The following DTHD1 variants were observed in gnomAD, a reference collection of about 807,000 sequenced individuals.
The protein encoded by DTHD1 is death domain-containing protein 1.
Under a neutral mutation model 74.8 loss-of-function variants are expected in DTHD1, and 59 were observed. The observed-to-expected ratio is 0.79, with a 90% CI of 0.64 to 0.98. The LOEUF (loss-of-function observed/expected upper bound fraction) is 0.98. DTHD1 is among the 50% of genes least tolerant of loss of function. The probability of loss-of-function intolerance (pLI) is 0.00; values close to 1 mark genes in which losing one functional copy is unlikely to be tolerated. For synonymous variants in DTHD1, 365 were observed against 371.1 expected, an observed-to-expected ratio of 0.98 and a Z score of 0.19; for missense variants, 1,051 against 1,065.4, an observed-to-expected ratio of 0.99 and a Z score of 0.19.
intron 8 of DTHD1, among the ~76,000 whole-genome samples, chr4:36,330,351 T>G (rs966529078): frequency 1.6e-4 from 25 of 152,208 alleles, no homozygotes; most frequent in African/African-American, 5.5e-4. Context: ...AAACAGGATC[T>G]GGATTCTTAC....
At position 36,293,681 on chromosome 4, in the gene DTHD1, C is replaced by T; in HGVS notation, c.1374C>T (p.Thr458=). ...TAAATTACCCTCCAGGAGTTTTTACCTCTCCAGTGCTGGTGCAGTTAAAGG... is the reference window on the plus strand; with the variant it reads ...TAAATTACCCTCCAGGAGTTTTTACTTCTCCAGTGCTGGTGCAGTTAAAGG... ...ISLNYPPGVF[T]SPVLVQLKIQ... Residue 458 remains threonine, a synonymous_variant, in exon 4 of 10, where the codon ACC becomes ACT. Transcript: ENST00000639862. 3 of 1,530,224 alleles carry T rather than the reference C, an allele frequency of 2.0e-6. No homozygotes were observed. The highest frequency in any genetic ancestry group is 2.6e-6 in the Non-Finnish European group (3 of 1,133,426). 94.8% of individuals were successfully genotyped at this position (1,530,224 alleles called of 1,614,324 possible). A position where few individuals can be genotyped will look rare whatever the true frequency, so the allele number is the denominator to read the frequency against.
chr4:36,343,790 A>C lies in DTHD1; in HGVS notation c.2687A>C (p.Glu896Ala), dbSNP rs1759458434. Residue 896 changes from glutamate (E) to alanine (A), a missense_variant, in exon 10 of 10, where the codon GAA (glutamate) becomes GCA (alanine). By Grantham distance (107) the Glu-to-Ala change is moderately radical. Coordinates refer to ENST00000639862, the MANE Select transcript of DTHD1 (RefSeq NM_001170700.3). The stretch of plus-strand genomic sequence containing the variant: ...AAGTGGGAAAATAAAGTGTTCACTG[A>C]ACCACAGCAGTGTTTTGATGTAGCC... ...KFKWENKVFT[E>A]PQQCFDVAPE 15 of 1,550,860 alleles carry C rather than the reference A, an allele frequency of 9.7e-6. No homozygotes were observed. The highest frequency in any genetic ancestry group is 1.3e-5 in the Non-Finnish European group (15 of 1,146,686).
intron 7 of DTHD1, 58 bp downstream of exon 7, chr4:36,308,551 G>A: frequency 7.2e-7 from 1 of 1,395,488 alleles, no homozygotes; most frequent in Non-Finnish European, 9.5e-7. Flanking sequence ...AAGCTCTTCA[G>A]AAGAGTTTGC....
At chr4:36,343,445 C>G in intron 9 of DTHD1, 57 bp from the exon 10 acceptor site, 1 of 1,474,222 alleles carries the variant, frequency 6.8e-7, no homozygotes, top group Non-Finnish European at 9.1e-7. Context: ...GAGGGTTAGA[C>G]CCATGCATCC....
chr4:36,310,746 C>T (rs570191688), intron 7 of DTHD1, among the ~76,000 whole-genome samples: 3 of 152,116 alleles, frequency 2.0e-5, no homozygotes, highest in Admixed American at 2.0e-4. Flanking sequence ...ATAAGTGAGA[C>T]CTAAAGTGTC....
At position 36,345,074 on chromosome 4, in the gene DTHD1, A is replaced by G. The variant is rs1257937576; in HGVS notation, c.*1250A>G. 2 of 152,210 alleles carry G rather than the reference A, an allele frequency of 1.3e-5. No individual in the cohort carries two copies. The highest frequency in any genetic ancestry group is 2.4e-5 in the African/African-American group (1 of 41,464). The allele number at this position is 152,210 out of a possible 1,614,324, so 9.4% of individuals were successfully genotyped here. A position where few individuals can be genotyped will look rare whatever the true frequency, so the allele number is the denominator to read the frequency against. On this transcript the variant is annotated 3_prime_UTR_variant, in exon 10 of 10. Coordinates refer to ENST00000639862, the MANE Select transcript of DTHD1 (RefSeq NM_001170700.3). ...AGCGAAATGAGGCAGTGCAGAGAAAATAAGTTATCAGTGAAAGAATTCAAG... is the reference window on the plus strand; with the variant it reads ...AGCGAAATGAGGCAGTGCAGAGAAAGTAAGTTATCAGTGAAAGAATTCAAG...
intron 8 of DTHD1, among the ~76,000 whole-genome samples, chr4:36,326,491 T>C (rs1424867921): frequency 6.6e-6 from 1 of 151,524 alleles, no homozygotes; most frequent in Non-Finnish European, 1.5e-5. Context: ...CAAGGGGAAA[T>C]GGCAAAACTA....
intron 7 of DTHD1, among the ~76,000 whole-genome samples, chr4:36,314,754 T>C (rs1045825245): frequency 7.5e-6 from 1 of 133,616 alleles, no homozygotes; most frequent in Non-Finnish European, 1.7e-5. Flanking sequence ...TGAGTTTTTT[T>C]TTTTTTTTTT....
intron 5 of DTHD1, among the ~76,000 whole-genome samples, chr4:36,303,772 C>T (rs1202547725): frequency 6.6e-6 from 1 of 152,160 alleles, no homozygotes; most frequent in Non-Finnish European, 1.5e-5. Context: ...ATCCCAAGGG[C>T]TTAAATGACA....
rs761928746 is a variant in DTHD1 at position 36,316,287 on chromosome 4, T to C, written c.2141T>C (p.Leu714Ser). 14 of 1,551,670 alleles carry C rather than the reference T, an allele frequency of 9.0e-6. No individual in the cohort carries two copies. The South Asian group carries it at 1.7e-4, about 18-fold the overall frequency. Residue 714 changes from leucine (L) to serine (S), a missense_variant, in exon 8 of 10, where the codon TTG becomes TCG. Leu to Ser is a moderately radical substitution (Grantham distance 145, BLOSUM62 -2). Coordinates refer to ENST00000639862, the MANE Select transcript of DTHD1 (RefSeq NM_001170700.3). ...YGKDYTLIFH[L>S]QRKPRLELQI... The stretch of plus-strand genomic sequence containing the variant: ...AAAGACTACACACTTATTTTTCACT[T>C]GCAAAGAAAACCTAGGCTGGAACTC...
chr4:36,334,934 G>A (rs1313576021), intron 8 of DTHD1, among the ~76,000 whole-genome samples: 1 of 152,166 alleles, frequency 6.6e-6, no homozygotes, highest in African/African-American at 2.4e-5. Context: ...GGTATGATGT[G>A]CTTAACATGT....
At chr4:36,286,640 T>A (rs950690777) in intron 2 of DTHD1, among the ~76,000 whole-genome samples, 1 of 152,192 alleles carries the variant, frequency 6.6e-6, no homozygotes, top group African/African-American at 2.4e-5. Context: ...AAATGGATGG[T>A]TGGGTGATTT....
chr4:36,313,308 G>A (rs1256008480), intron 7 of DTHD1, among the ~76,000 whole-genome samples: 1 of 150,508 alleles, frequency 6.6e-6, no homozygotes, highest in African/African-American at 2.4e-5. Context: ...AAGATATTGA[G>A]AAAAAGAAAA....
intron 8 of DTHD1, among the ~76,000 whole-genome samples, chr4:36,338,802 C>T (rs181166711): frequency 5.5e-4 from 83 of 152,108 alleles, no homozygotes; most frequent in South Asian, 3.5e-3. Flanking sequence ...GCTTGCTCTA[C>T]GCTAGTTGGT....
At chr4:36,332,984 G>C (rs1560818000) in intron 8 of DTHD1, among the ~76,000 whole-genome samples, 1 of 152,060 alleles carries the variant, frequency 6.6e-6, no homozygotes. Flanking sequence ...AGGTGTTTCT[G>C]GGGTAAGAAA....
At chr4:36,328,634 G>C (rs758965166) in intron 8 of DTHD1, among the ~76,000 whole-genome samples, 2 of 152,122 alleles carry the variant, frequency 1.3e-5, no homozygotes, top group Non-Finnish European at 2.9e-5. Context: ...TTGTGGGTTT[G>C]TTTTGTTGGA....
intron 7 of DTHD1, among the ~76,000 whole-genome samples, chr4:36,312,178 A>C (rs1339380951): frequency 1.3e-5 from 2 of 151,818 alleles, no homozygotes; most frequent in Admixed American, 1.3e-4. Flanking sequence ...AAATCCAGAA[A>C]GTGCCAGGAA....
At chr4:36,298,610 G>T (rs920210610) in intron 5 of DTHD1, among the ~76,000 whole-genome samples, 1 of 152,058 alleles carries the variant, frequency 6.6e-6, no homozygotes, top group Non-Finnish European at 1.5e-5. Context: ...CCCATGTAAT[G>T]AAAAAGATAA....
At position 36,291,398 on chromosome 4, in the gene DTHD1, G is replaced by A. The variant is rs1205717234; in HGVS notation, c.1218+695G>A. ...ATTAAATAGATAATAAACTTATGAA[G>A]AGAGACGGAAGCCTATAAACACATG... On this transcript the variant is annotated intron_variant, in intron 3 of 9. Transcript: ENST00000639862. Among the ~76,000 whole-genome samples, 10 of 152,252 alleles carry A rather than the reference G, an allele frequency of 6.6e-5. No homozygotes were observed. The East Asian group carries it at 1.9e-3, about 29-fold the overall frequency.
Sources: gnomAD v4.1 joint callset for allele counts (sites outside exome capture counted in the v4.1 genomes callset) on GRCh38, gnomAD v4.1.1 for gene constraint, MANE v1.5 for transcripts, NCBI Gene and HGNC (gene_info 2026-07-23, HGNC 2026-07-21) for gene names.